The following PIR variants were observed in gnomAD, a reference collection of about 807,000 sequenced individuals.
The protein encoded by PIR is pirin, also known as pirin (iron-binding nuclear protein).
Under a neutral mutation model 24.2 loss-of-function variants are expected in PIR, and 22 were observed. The observed-to-expected ratio is 0.91, with a 90% confidence interval of 0.65 to 1.30. The LOEUF (loss-of-function observed/expected upper bound fraction) is 1.30. Ranked by LOEUF, PIR falls within the 50% of genes most tolerant of loss-of-function variation. PIR has a pLI of 0.00. For missense variants in PIR, 220 were observed against 220.3 expected, an observed-to-expected ratio of 1.00 and a Z score of 0.01; for synonymous variants, 80 against 79.6, an observed-to-expected ratio of 1.00 and a Z score of -0.03.
intron 6 of PIR, among the ~76,000 whole-genome samples, chrX:15,412,563 T>C (rs1334634242): frequency 2.7e-5 from 3 of 112,126 alleles, no homozygotes; most frequent in Admixed American, 9.5e-5. Context: ...ATCCATTTTC[T>C]ACACGCGTAA....
intron 7 of PIR, among the ~76,000 whole-genome samples, chrX:15,403,657 A>G (rs1481019975): frequency 9.1e-6 from 1 of 110,451 alleles, no homozygotes; most frequent in African/African-American, 3.3e-5. Context: ...TTTTTGCCTT[A>G]GCAAAAGATT....
intron 3 of PIR, among the ~76,000 whole-genome samples, chrX:15,475,236 C>A (rs761828339): frequency 9.0e-6 from 1 of 111,327 alleles, no homozygotes; most frequent in Non-Finnish European, 1.9e-5. Context: ...TGTCGGCTAC[C>A]AACAAGTAAT....
intron 5 of PIR, among the ~76,000 whole-genome samples, chrX:15,451,852 C>G (rs1920969068): frequency 8.9e-6 from 1 of 112,161 alleles, no homozygotes; most frequent in Non-Finnish European, 1.9e-5. Context: ...TGAAAACTGC[C>G]CAAAGATTTT....
intron 2 of PIR, among the ~76,000 whole-genome samples, chrX:15,486,617 T>C (rs917242015): frequency 8.9e-6 from 1 of 111,949 alleles, no homozygotes; most frequent in African/African-American, 3.3e-5. Flanking sequence ...GTGGAACTTT[T>C]AGGAAAATTC....
intron 5 of PIR, among the ~76,000 whole-genome samples, chrX:15,443,116 A>G (rs933309753): frequency 4.5e-5 from 5 of 112,152 alleles, no homozygotes; most frequent in African/African-American, 1.6e-4. Context: ...GCAGCTGGTG[A>G]CTTTAAGTTG....
chrX:15,434,327 AAGG>A (rs1301569182), intron 5 of PIR, among the ~76,000 whole-genome samples: 1 of 102,913 alleles, frequency 9.7e-6, no homozygotes, highest in Non-Finnish European at 2.0e-5. Context: ...GAGAAAGAAG[AAGG>A]AGGAACGAGA....
chrX:15,393,929 T>C (rs1038907087), intron 8 of PIR, among the ~76,000 whole-genome samples: 1 of 109,422 alleles, frequency 9.1e-6, no homozygotes, highest in Non-Finnish European at 1.9e-5. Context: ...TATTTCATTA[T>C]ATATTACAAT....
chrX:15,402,464 A>G (rs1924420298), intron 7 of PIR, among the ~76,000 whole-genome samples: 1 of 111,659 alleles, frequency 9.0e-6, no homozygotes, highest in Non-Finnish European at 1.9e-5. Flanking sequence ...AGGCAGAATA[A>G]TCACATCGTG....
intron 4 of PIR, 91 bp from the exon 5 acceptor site, chrX:15,456,145 C>T (rs1921076075): frequency 1.3e-6 from 1 of 746,975 alleles, no homozygotes; most frequent in African/African-American, 2.1e-5. Flanking sequence ...CTAAGTGAGA[C>T]ATCTTACCAG....
At chrX:15,390,956 G>A in intron 8 of PIR, among the ~76,000 whole-genome samples, 1 of 111,438 alleles carries the variant, frequency 9.0e-6, no homozygotes, top group Middle Eastern at 4.7e-3. Flanking sequence ...TTGACAATAT[G>A]ACTCAAAACC....
Position 15,446,321 on chromosome X carries a change from T to C in PIR, c.480+9527A>G, listed in dbSNP as rs188438939. ...GGTTTATACCACTGAACACTGTTTC[T>C]CTGTGCAGAAACACCTCTACTCATG... is the stretch of plus-strand genomic sequence containing the variant. On this transcript the variant is annotated intron_variant, in intron 5 of 9. Transcript: ENST00000380420. Among the ~76,000 whole-genome samples the C allele has an allele frequency of 5.4e-5, 6 of 111,518 alleles. No homozygotes were observed. In the East Asian group the frequency reaches 1.4e-3, roughly 26 times the overall value.
chrX:15,396,886 G>A (rs935105682), intron 8 of PIR, among the ~76,000 whole-genome samples: 2 of 111,148 alleles, frequency 1.8e-5, no homozygotes, highest in Non-Finnish European at 3.8e-5. Context: ...GACCACAGGC[G>A]CCTGCCACCA....
intron 5 of PIR, among the ~76,000 whole-genome samples, chrX:15,431,222 C>A (rs1925494748): frequency 9.0e-6 from 1 of 111,640 alleles, no homozygotes; most frequent in African/African-American, 3.3e-5. Flanking sequence ...TAGACACACA[C>A]CCCCCATTTT....
At chrX:15,411,452 C>T (rs776057420) in intron 6 of PIR, among the ~76,000 whole-genome samples, 12 of 111,467 alleles carry the variant, frequency 1.1e-4, no homozygotes, top group Non-Finnish European at 2.1e-4. Context: ...CCTTCTGCCT[C>T]AGTCTTGGAG....
chrX:15,458,129 A>AT (rs1403409864), intron 4 of PIR, among the ~76,000 whole-genome samples: 1 of 111,579 alleles, frequency 9.0e-6, no homozygotes, highest in Non-Finnish European at 1.9e-5. Context: ...TTTAAAGTTC[A>AT]TTTCTTCATA....
intron 5 of PIR, among the ~76,000 whole-genome samples, chrX:15,430,912 A>C (rs1569200952): frequency 8.9e-6 from 1 of 111,962 alleles, no homozygotes; most frequent in Admixed American, 9.5e-5. Context: ...CTGCCCATTG[A>C]TTCCCAAATG....
At chrX:15,487,676 G>C (rs1285544280) in intron 2 of PIR, among the ~76,000 whole-genome samples, 1 of 112,379 alleles carries the variant, frequency 8.9e-6, no homozygotes, top group Non-Finnish European at 1.9e-5. Context: ...TGGGAGCACA[G>C]AGGAACCACT....
chrX:15,461,855 G>T (rs1432573973), intron 3 of PIR, among the ~76,000 whole-genome samples: 1 of 112,137 alleles, frequency 8.9e-6, no homozygotes. Flanking sequence ...CACCTCAGGT[G>T]CACCTGCCAC....
At chrX:15,393,434 G>A (rs757011000) in intron 8 of PIR, among the ~76,000 whole-genome samples, 1 of 111,541 alleles carries the variant, frequency 9.0e-6, no homozygotes, top group South Asian at 3.8e-4. Context: ...GTAGGACTCT[G>A]AGTATGAATC....
Sources: gnomAD v4.1 joint callset for allele counts (sites outside exome capture counted in the v4.1 genomes callset) on GRCh38, gnomAD v4.1.1 for gene constraint, MANE v1.5 for transcripts, NCBI Gene and HGNC (gene_info 2026-07-23, HGNC 2026-07-21) for gene names.